Variants in CALU observed in about 807,000 individuals in gnomAD.
The protein encoded by CALU is calumenin.
Under a neutral mutation model 37.5 loss-of-function variants are expected in CALU, and 13 were observed. That is an observed-to-expected ratio of 0.35 (90% CI 0.23 to 0.55). The LOEUF is 0.55. CALU is among the 20% of genes least tolerant of loss of function. The probability of loss-of-function intolerance (pLI) is 0.89; values close to 1 mark genes in which losing one functional copy is unlikely to be tolerated. For synonymous variants in CALU, 114 were observed against 133.8 expected (o/e 0.85, Z 1.02); for missense variants, 282 against 391.7 (o/e 0.72, Z 2.36).
chr7:128,755,911 G>T (rs534739500), intron 3 of CALU, among the ~76,000 whole-genome samples: 1 of 152,284 alleles, frequency 6.6e-6, no homozygotes, highest in South Asian at 2.1e-4. Flanking sequence ...GTGTATAATG[G>T]ATCTGTTTCC....
intron 1 of CALU, among the ~76,000 whole-genome samples, chr7:128,742,986 T>C (rs1395989106): frequency 6.6e-6 from 1 of 152,204 alleles, no homozygotes; most frequent in Non-Finnish European, 1.5e-5. Flanking sequence ...GGTGAAAATC[T>C]AAAACAGGTG....
intron 3 of CALU, among the ~76,000 whole-genome samples, chr7:128,757,212 A>T (rs1346539839): frequency 6.6e-6 from 1 of 152,194 alleles, no homozygotes; most frequent in African/African-American, 2.4e-5. Flanking sequence ...GCACTTATGT[A>T]AGAATCTAGT....
chr7:128,753,638 C>G (rs1378495296), intron 2 of CALU, among the ~76,000 whole-genome samples: 1 of 152,184 alleles, frequency 6.6e-6, no homozygotes, highest in Non-Finnish European at 1.5e-5. Context: ...TTAAAAGCTG[C>G]TAGCCATTTT....
Position 128,769,309 on chromosome 7 carries a change from TTCC to T in CALU, c.*151_*153del. 2 of 545,032 alleles carry T rather than the reference TTCC, an allele frequency of 3.7e-6. No homozygotes were observed. The highest frequency in any genetic ancestry group is 2.3e-5 in the South Asian group (1 of 43,782). The allele number at this position is 545,032 out of a possible 1,614,324, so 33.8% of individuals were successfully genotyped here. On this transcript the variant is annotated 3_prime_UTR_variant, in exon 7 of 7. Coordinates refer to ENST00000249364, the MANE Select transcript of CALU (RefSeq NM_001219.5). ...CGTAATGAAAACCATCCCGTCCCCATTCCTCCTCCTCTCTGAGGGACTGGAGGG... is the reference window on the plus strand; with the variant it reads ...CGTAATGAAAACCATCCCGTCCCCATTCCTCCTCTCTGAGGGACTGGAGGG...
At chr7:128,750,583 T>C (rs1800632466) in intron 2 of CALU, among the ~76,000 whole-genome samples, 1 of 152,240 alleles carries the variant, frequency 6.6e-6, no homozygotes, top group Non-Finnish European at 1.5e-5. Flanking sequence ...GACTGTTTGC[T>C]TCTCCCAAAT....
chr7:128,763,488 G>A (rs1413549457), intron 5 of CALU, among the ~76,000 whole-genome samples: 1 of 152,050 alleles, frequency 6.6e-6, no homozygotes, highest in Non-Finnish European at 1.5e-5. Flanking sequence ...CCGAGATCGC[G>A]CCACTGCACT....
Position 128,772,441 on chromosome 7 carries a change from T to G in CALU, c.*3274T>G. 1 of 1,452,790 alleles carries G rather than the reference T, an allele frequency of 6.9e-7. No homozygotes were observed. The highest frequency in any genetic ancestry group is 9.6e-7 in the Non-Finnish European group (1 of 1,044,666). 90.0% of individuals were successfully genotyped at this position (1,452,790 alleles called of 1,614,324 possible). A position where few individuals can be genotyped will look rare whatever the true frequency, so the allele number is the denominator to read the frequency against. On this transcript the variant is annotated 3_prime_UTR_variant, in exon 7 of 7. Coordinates refer to ENST00000249364, the MANE Select transcript of CALU (RefSeq NM_001219.5). ...TGCCATCACTCCTTTTACCATCTTT[T>G]TTGTGTTTTTAGTAGTTTGGTTTCT... is the stretch of plus-strand genomic sequence containing the variant.
intron 4 of CALU, 131 bp downstream of exon 4, chr7:128,759,168 A>G (rs992715784): frequency 6.4e-6 from 4 of 627,488 alleles, no homozygotes; most frequent in African/African-American, 1.9e-5. Context: ...TGTATATGCT[A>G]TATAAGTATT....
At chr7:128,748,360 G>T in intron 1 of CALU, 1 of 1,503,686 alleles carries the variant, frequency 6.7e-7, no homozygotes, top group South Asian at 1.3e-5. Context: ...ATCAGATGAA[G>T]GAAACTGGTA....
intron 5 of CALU, chr7:128,761,348 G>T (rs1214181848): frequency 6.6e-6 from 1 of 152,150 alleles, no homozygotes. Flanking sequence ...GCTGGGTGTG[G>T]TGGCATACCC....
chr7:128,769,942 T>G lies in CALU; in HGVS notation c.*775T>G, dbSNP rs1801495673. On this transcript the variant is annotated 3_prime_UTR_variant, in exon 7 of 7. Transcript: ENST00000249364. ...CTATAGATAGAAACAGCTGGAAAACTAAAGGAAAAATACAAGTGTTTTCGG... is the reference window on the plus strand; with the variant it reads ...CTATAGATAGAAACAGCTGGAAAACGAAAGGAAAAATACAAGTGTTTTCGG... 6.6e-6 allele frequency: 1 copy of G among 152,262 alleles called. No individual in the cohort carries two copies. The highest frequency in any genetic ancestry group is 2.1e-4 in the South Asian group (1 of 4,836). 9.4% of individuals were successfully genotyped at this position (152,262 alleles called of 1,614,324 possible).
Position 128,767,535 on chromosome 7 carries a change from G to C in CALU, c.723G>C (p.Arg241=). ...AGCGAGAGCAGTTTGTTGAGTTTCG[G>C]GATAAGAACCGTGATGGGAAGATGG... is the stretch of plus-strand genomic sequence containing the variant. The part of the protein sequence containing the change: ...KTEREQFVEF[R]DKNRDGKMDK... The change falls in exon 6 of 7, where the codon CGG becomes CGC. Residue 241 remains arginine, a synonymous_variant. Coordinates refer to ENST00000249364, the MANE Select transcript of CALU (RefSeq NM_001219.5). 6.2e-7 allele frequency: 1 copy of C among 1,614,116 alleles called. No homozygotes were observed. Among genetic ancestry groups the C allele is most frequent in the Non-Finnish European group, 8.5e-7 (1 of 1,179,976 alleles).
intron 2 of CALU, among the ~76,000 whole-genome samples, chr7:128,753,137 A>G (rs1314157920): frequency 6.6e-6 from 1 of 152,252 alleles, no homozygotes; most frequent in Non-Finnish European, 1.5e-5. Flanking sequence ...CTCTTTTCTT[A>G]GAGTCACTAG....
At chr7:128,759,758 A>G (rs899301034) in intron 4 of CALU, 34 bp from the exon 5 acceptor site, 2 of 1,040,148 alleles carry the variant, frequency 1.9e-6, no homozygotes, top group Non-Finnish European at 3.0e-6. Context: ...TCAGAGACCA[A>G]CTTAATAGTC....
At chr7:128,757,982 T>C (rs887145863) in intron 3 of CALU, among the ~76,000 whole-genome samples, 2 of 152,108 alleles carry the variant, frequency 1.3e-5, no homozygotes, top group East Asian at 3.8e-4. Context: ...AAGTGCATAA[T>C]TGATGAGTTT....
chr7:128,760,919 CAAAA>C (rs910602817), intron 5 of CALU, among the ~76,000 whole-genome samples: 4 of 151,114 alleles, frequency 2.6e-5, no homozygotes, highest in South Asian at 2.1e-4. Context: ...AACAAACAAA[CAAAA>C]AAAAGAGTTG....
At chr7:128,747,151 T>C (rs962142073) in intron 1 of CALU, among the ~76,000 whole-genome samples, 4 of 152,224 alleles carry the variant, frequency 2.6e-5, no homozygotes, top group Non-Finnish European at 5.9e-5. Flanking sequence ...GTTTTCCGAT[T>C]TTTTAATCAT....
In CALU at chr7:128,769,253, G is replaced by GTTACTGTTA. The variant is rs1435922194; in HGVS notation, c.*91_*92insGTTATTACT. The GTTACTGTTA allele has an allele frequency of 2.9e-6, 2 of 692,156 alleles. No homozygotes were observed. Among genetic ancestry groups the GTTACTGTTA allele is most frequent in the Non-Finnish European group, 4.9e-6 (2 of 407,528 alleles). The allele number at this position is 692,156 out of a possible 1,614,324, so 42.9% of individuals were successfully genotyped here. A position where few individuals can be genotyped will look rare whatever the true frequency, so the allele number is the denominator to read the frequency against. Reference sequence around the variant, plus strand: ...TGAAATTGTTTGCGCTACTGAGACTGTTACTACAAACTTTTTAAGACATGA... The same window carrying GTTACTGTTA: ...TGAAATTGTTTGCGCTACTGAGACTGTTACTGTTATTACTACAAACTTTTTAAGACATGA... On this transcript the variant is annotated 3_prime_UTR_variant, in exon 7 of 7. Coordinates refer to ENST00000249364, the MANE Select transcript of CALU (RefSeq NM_001219.5).
chr7:128,756,219 A>G (rs1563131637), intron 3 of CALU, among the ~76,000 whole-genome samples: 1 of 152,248 alleles, frequency 6.6e-6, no homozygotes, highest in Admixed American at 6.5e-5. Context: ...TTGGTGATCT[A>G]AACAAAATGG....
Sources: gnomAD v4.1 joint callset for allele counts (sites outside exome capture counted in the v4.1 genomes callset) on GRCh38, gnomAD v4.1.1 for gene constraint, MANE v1.5 for transcripts, NCBI Gene and HGNC (gene_info 2026-07-23, HGNC 2026-07-21) for gene names.